Variants in C17orf78 observed in about 807,000 individuals in gnomAD.
The protein encoded by C17orf78 is uncharacterized protein C17orf78.
In C17orf78, 27 loss-of-function variants were observed where a neutral mutation model predicts 31.8. The ratio of observed to expected loss-of-function variants is 0.85; its 90% confidence interval spans 0.63 to 1.17. The LOEUF is 1.17. C17orf78 is among the 50% of genes most tolerant of loss of function. The pLI is 0.00. For missense variants in C17orf78, 258 were observed against 315.2 expected (o/e 0.82, Z 1.37); for synonymous variants, 106 against 115.1 (o/e 0.92, Z 0.51).
intron 3 of C17orf78, among the ~76,000 whole-genome samples, chr17:37,379,924 G>A (rs1437891763): frequency 3.4e-5 from 5 of 148,312 alleles, no homozygotes; most frequent in African/African-American, 7.5e-5. Context: ...CCCATTACTG[G>A]GTATATACCC....
chr17:37,379,079 C>A, intron 2 of C17orf78, 58 bp from the exon 3 acceptor site: 3 of 1,542,144 alleles, frequency 1.9e-6, no homozygotes, highest in South Asian at 1.3e-5. Flanking sequence ...CTCAAAAAAA[C>A]CAACCAAACA....
chr17:37,390,533 A>T (rs1045504043), intron 6 of C17orf78, among the ~76,000 whole-genome samples: 2 of 149,186 alleles, frequency 1.3e-5, no homozygotes, highest in Non-Finnish European at 3.0e-5. Flanking sequence ...AGGCTGAGGC[A>T]GGAGAATTGC....
intron 6 of C17orf78, among the ~76,000 whole-genome samples, chr17:37,390,330 A>ATATATATATAATATATATATATC (rs1386032855): frequency 4.8e-5 from 2 of 41,592 alleles, no homozygotes; most frequent in Admixed American, 5.0e-4. Flanking sequence ...ATATATATAT[A>ATATATATATAATATATATATATC]TATAAAAGGC....
In C17orf78 at chr17:37,386,135, C is replaced by T. The variant is rs773779551; in HGVS notation, c.508+10C>T. On this transcript the variant is annotated intron_variant, in intron 4 of 6. Coordinates refer to ENST00000615133, the MANE Select transcript of C17orf78 (RefSeq NM_173625.5). ...AAAACTACAAGTACCGGTAATTTTTCTAGCTTTGAAATGACAAAGTACAGA... is the reference window on the plus strand; with the variant it reads ...AAAACTACAAGTACCGGTAATTTTTTTAGCTTTGAAATGACAAAGTACAGA... 6.6e-7 allele frequency: 1 copy of T among 1,504,716 alleles called. No homozygotes were observed. The highest frequency in any genetic ancestry group is 1.9e-5 in the Admixed American group (1 of 53,652). The allele number at this position is 1,504,716 out of a possible 1,614,324, so 93.2% of individuals were successfully genotyped here.
chr17:37,388,143 G>GT (rs759306392), intron 4 of C17orf78, among the ~76,000 whole-genome samples: 3 of 152,108 alleles, frequency 2.0e-5, no homozygotes, highest in Non-Finnish European at 4.4e-5. Flanking sequence ...CCAGTCTTGA[G>GT]TGCCAGAGTG....
At chr17:37,389,509 T>G in intron 6 of C17orf78, 147 bp downstream of exon 6, 1 of 1,204,454 alleles carries the variant, frequency 8.3e-7, no homozygotes, top group Non-Finnish European at 1.1e-6. Flanking sequence ...CTGACCAACA[T>G]GACGAAACCC....
chr17:37,379,988 C>A (rs751186614), intron 3 of C17orf78, among the ~76,000 whole-genome samples: 2 of 150,206 alleles, frequency 1.3e-5, no homozygotes, highest in African/African-American at 4.9e-5. Flanking sequence ...ATGTTTACTG[C>A]GGCACTATTC....
intron 3 of C17orf78, among the ~76,000 whole-genome samples, chr17:37,379,927 A>G (rs944124769): frequency 6.7e-6 from 1 of 149,128 alleles, no homozygotes; most frequent in Non-Finnish European, 1.5e-5. Flanking sequence ...ATTACTGGGT[A>G]TATACCCAAA....
At chr17:37,390,307 T>TGTATA (rs2050792866) in intron 6 of C17orf78, among the ~76,000 whole-genome samples, 1 of 42,972 alleles carries the variant, frequency 2.3e-5, no homozygotes, top group Non-Finnish European at 3.4e-5. Flanking sequence ...TACATAATTA[T>TGTATA]ATATATATAT....
chr17:37,391,809 T>C lies in C17orf78; in HGVS notation c.*85T>C. 8.4e-7 allele frequency: 1 copy of C among 1,188,258 alleles called. No homozygotes were observed. The highest frequency in any genetic ancestry group is 1.7e-5 in the Admixed American group (1 of 57,662). 73.6% of individuals were successfully genotyped at this position (1,188,258 alleles called of 1,614,324 possible). ...GGGCACATTCTTGCCAATTTCACACTTGTATCTTCAGCAGGGACATTACAA... is the reference window on the plus strand; with the variant it reads ...GGGCACATTCTTGCCAATTTCACACCTGTATCTTCAGCAGGGACATTACAA... On this transcript the variant is annotated 3_prime_UTR_variant, in exon 7 of 7. Transcript: ENST00000615133.
Position 37,380,872 on chromosome 17 carries a change from A to G in C17orf78, c.391+1490A>G, listed in dbSNP as rs547833215. ...TGGCCTCCCAAACTGCTGGGATTAC[A>G]GGCGTGAGCCACCGTGCCTGGCCAG... On this transcript the variant is annotated intron_variant, in intron 3 of 6. Coordinates refer to ENST00000615133, the MANE Select transcript of C17orf78 (RefSeq NM_173625.5). 4.6e-5 allele frequency among the ~76,000 whole-genome samples: 7 copies of G among 151,810 alleles called. No individual in the cohort carries two copies. In the East Asian group the frequency reaches 1.2e-3, roughly 25 times the overall value.
chr17:37,386,221 T>C, intron 4 of C17orf78, 96 bp downstream of exon 4: 1 of 706,646 alleles, frequency 1.4e-6, no homozygotes, highest in Non-Finnish European at 2.3e-6. Flanking sequence ...TTAGTCTGGA[T>C]CTACTGATAT....
chr17:37,376,047 C>G lies in C17orf78; in HGVS notation c.-46C>G, dbSNP rs1169713778. The G allele has an allele frequency of 6.5e-7, 1 of 1,534,684 alleles. No individual in the cohort carries two copies. ...GAGGCAGAGCTATCAAGGGCTGTGA[C>G]AGATGAGCAGTGGTCTGTCTGCAAT... On this transcript the variant is annotated 5_prime_UTR_variant, in exon 1 of 7. Coordinates refer to ENST00000615133, the MANE Select transcript of C17orf78 (RefSeq NM_173625.5).
intron 2 of C17orf78, among the ~76,000 whole-genome samples, chr17:37,378,789 C>T (rs191388186): frequency 4.3e-4 from 63 of 148,198 alleles, no homozygotes; most frequent in African/African-American, 1.5e-3. Flanking sequence ...AGGTCGGGTG[C>T]GGTGGCTCAT....
chr17:37,391,831 A>G lies in C17orf78; in HGVS notation c.*107A>G. On this transcript the variant is annotated 3_prime_UTR_variant, in exon 7 of 7. Transcript: ENST00000615133. ...CACTTGTATCTTCAGCAGGGACATT[A>G]CAATCAAACACCAATTCCTGGTTAA... 3.0e-6 allele frequency: 3 copies of G among 984,038 alleles called. No individual in the cohort carries two copies. The highest frequency in any genetic ancestry group is 4.8e-6 in the Non-Finnish European group (3 of 627,446). The allele number at this position is 984,038 out of a possible 1,614,324, so 61.0% of individuals were successfully genotyped here.
rs1324579018 is a variant in C17orf78 at position 37,391,946 on chromosome 17, T to C, written c.*222T>C. 1.8e-6 allele frequency: 1 copy of C among 555,896 alleles called. No individual in the cohort carries two copies. Among genetic ancestry groups the C allele is most frequent in the Non-Finnish European group, 3.2e-6 (1 of 312,764 alleles). 34.4% of individuals were successfully genotyped at this position (555,896 alleles called of 1,614,324 possible). A position where few individuals can be genotyped will look rare whatever the true frequency, so the allele number is the denominator to read the frequency against. The stretch of plus-strand genomic sequence containing the variant: ...AATTCACTTCATACATCCATCTAAA[T>C]GGATACCTTTCCATCCCCTCAAACG... On this transcript the variant is annotated 3_prime_UTR_variant, in exon 7 of 7. Transcript: ENST00000615133.
At chr17:37,388,916 C>T (rs2050669688) in intron 5 of C17orf78, 122 bp downstream of exon 5, 7 of 1,264,368 alleles carry the variant, frequency 5.5e-6, no homozygotes, top group African/African-American at 1.5e-5. Flanking sequence ...GTGCCACTCA[C>T]ACTCACTAGC....
At chr17:37,381,123 C>T (rs1364024174) in intron 3 of C17orf78, among the ~76,000 whole-genome samples, 1 of 151,944 alleles carries the variant, frequency 6.6e-6, no homozygotes, top group Non-Finnish European at 1.5e-5. Flanking sequence ...ATACCATATA[C>T]ACTGTTCTGC....
intron 3 of C17orf78, among the ~76,000 whole-genome samples, chr17:37,381,374 C>A (rs1419070320): frequency 2.6e-5 from 4 of 151,722 alleles, no homozygotes; most frequent in Non-Finnish European, 4.4e-5. Flanking sequence ...TTAGTAGAGA[C>A]AAGGTTTCAC....
Sources: allele counts gnomAD v4.1 joint callset (sites outside exome capture counted in the v4.1 genomes callset), GRCh38; gene constraint gnomAD v4.1.1; transcripts MANE v1.5; gene names NCBI Gene and HGNC (gene_info 2026-07-23, HGNC 2026-07-21).